The following BHMT variants were observed in gnomAD, a reference collection of about 807,000 sequenced individuals.
BHMT encodes the protein betaine--homocysteine S-methyltransferase 1.
BHMT carries 38 observed loss-of-function variants against 49.5 expected under a neutral mutation model. That is an observed-to-expected ratio of 0.77 (90% confidence interval 0.59 to 1.01). The LOEUF is 1.01. Among genes scored for constraint, BHMT ranks in the 50% least tolerant of loss-of-function variants. The probability of loss-of-function intolerance (pLI) is 0.00; values close to 1 mark genes in which losing one functional copy is unlikely to be tolerated. For synonymous variants in BHMT, 166 were observed against 176.3 expected, an observed-to-expected ratio of 0.94 and a Z score of 0.46; for missense variants, 426 against 495.7, an observed-to-expected ratio of 0.86 and a Z score of 1.34.
chr5:79,115,240 G>A (rs1756368094), intron 1 of BHMT, among the ~76,000 whole-genome samples: 2 of 151,910 alleles, frequency 1.3e-5, no homozygotes, highest in Non-Finnish European at 2.9e-5. Flanking sequence ...GGGTGAGACT[G>A]GAGGATCTTC....
chr5:79,119,377 T>C lies in BHMT; in HGVS notation c.285T>C (p.Ser95=). 6.2e-7 allele frequency: 1 copy of C among 1,606,822 alleles called. No individual in the cohort carries two copies. Among genetic ancestry groups the C allele is most frequent in the Non-Finnish European group, 8.5e-7 (1 of 1,174,516 alleles). The change falls in exon 3 of 8, where the codon TCT becomes TCC. Residue 95 remains serine (S), a splice_region_variant and synonymous_variant. Transcript: ENST00000274353. ...GCAACTATGTCTTAGAGAAGATATC[T>C]GTGAGTAAAACCAGCCGTGGGACTT... ...NRGNYVLEKI[S]GQEVNEAACD...
Position 79,131,346 on chromosome 5 carries a change from A to C in BHMT, c.*230A>C, listed in dbSNP as rs979184036. The C allele has an allele frequency of 2.3e-6, 1 of 433,524 alleles. No individual in the cohort carries two copies. The highest frequency in any genetic ancestry group is 4.1e-6 in the Non-Finnish European group (1 of 245,066). 26.9% of individuals were successfully genotyped at this position (433,524 alleles called of 1,614,324 possible). ...AAAGTAAATCTTGAACAGGTTCACT[A>C]AGCACCCACCCTGTGAAAAGTATTA... On this transcript the variant is annotated 3_prime_UTR_variant, in exon 8 of 8. Transcript: ENST00000274353.
chr5:79,124,335 G>A (rs1756516197), intron 5 of BHMT, among the ~76,000 whole-genome samples: 1 of 152,054 alleles, frequency 6.6e-6, no homozygotes, highest in Admixed American at 6.6e-5. Flanking sequence ...GATCGCTTGA[G>A]GCCAGAAGTT....
intron 5 of BHMT, among the ~76,000 whole-genome samples, chr5:79,125,772 A>AAAAC (rs1198697623): frequency 7.9e-5 from 12 of 151,960 alleles, no homozygotes; most frequent in East Asian, 3.9e-4. Context: ...TATCTATAAA[A>AAAAC]AAACAAACAA....
intron 3 of BHMT, among the ~76,000 whole-genome samples, chr5:79,120,125 G>C (rs971226881): frequency 3.9e-5 from 6 of 151,954 alleles, no homozygotes; most frequent in Non-Finnish European, 7.4e-5. Flanking sequence ...CACATCTTTG[G>C]TACAATGTAA....
intron 7 of BHMT, among the ~76,000 whole-genome samples, chr5:79,129,763 C>G (rs1231601944): frequency 6.6e-6 from 1 of 152,032 alleles, no homozygotes; most frequent in Non-Finnish European, 1.5e-5. Flanking sequence ...GAAGAATAAC[C>G]AAGGTGAACT....
At position 79,131,227 on chromosome 5, in the gene BHMT, A is replaced by G. The variant is rs770170451; in HGVS notation, c.*111A>G. 1 of 983,150 alleles carries G rather than the reference A, an allele frequency of 1.0e-6. No homozygotes were observed. The highest frequency in any genetic ancestry group is 1.8e-5 in the South Asian group (1 of 54,238). The allele number at this position is 983,150 out of a possible 1,614,324, so 60.9% of individuals were successfully genotyped here. ...CTTTCATGAATGCCATCCTACACAT[A>G]TTATTGCTATTACCTGAACAAAATA... is the stretch of plus-strand genomic sequence containing the variant. On this transcript the variant is annotated 3_prime_UTR_variant, in exon 8 of 8. Coordinates refer to ENST00000274353, the MANE Select transcript of BHMT (RefSeq NM_001713.3).
rs749710704 is a variant in BHMT at position 79,119,289 on chromosome 5, C to G, written c.197C>G (p.Ala66Gly). The change falls in exon 3 of 8, where the codon GCT becomes GGT. Residue 66 changes from alanine (A) to glycine (G), a missense_variant. By Grantham distance (60) the Ala-to-Gly change is moderately conservative. This residue lies in a region of BHMT where 321 missense variants were observed against 355.9 expected (regional missense o/e 0.90). Coordinates refer to ENST00000274353, the MANE Select transcript of BHMT (RefSeq NM_001713.3). ...VRQLHREFLR[A>G]GSNVMQTFTF... ...CAGCTTCATCGAGAGTTCCTCAGAG[C>G]TGGCTCAAACGTCATGCAGACCTTC... 1.2e-6 allele frequency: 2 copies of G among 1,613,688 alleles called. No homozygotes were observed. The highest frequency in any genetic ancestry group is 1.7e-5 in the Admixed American group (1 of 59,826).
At chr5:79,128,522 C>T (rs1186594219) in intron 7 of BHMT, among the ~76,000 whole-genome samples, 1 of 83,834 alleles carries the variant, frequency 1.2e-5, no homozygotes, top group Non-Finnish European at 2.5e-5. Context: ...AGAGTGAGAC[C>T]CTGTTTTAAA....
chr5:79,120,629 G>A, intron 4 of BHMT, 88 bp downstream of exon 4: 1 of 1,238,220 alleles, frequency 8.1e-7, no homozygotes, highest in Non-Finnish European at 1.1e-6. Context: ...GTGGGGTTAG[G>A]TGACAATCAT....
At chr5:79,112,503 G>A (rs1216182576) in intron 1 of BHMT, among the ~76,000 whole-genome samples, 1 of 152,224 alleles carries the variant, frequency 6.6e-6, no homozygotes, top group Non-Finnish European at 1.5e-5. Context: ...GGGTGTCGGG[G>A]CCGCCTCCCC....
At chr5:79,115,366 CT>C (rs1756370252) in intron 1 of BHMT, among the ~76,000 whole-genome samples, 1 of 135,694 alleles carries the variant, frequency 7.4e-6, no homozygotes. Flanking sequence ...TTAACCCTCT[CT>C]TTAGTTTGTT....
chr5:79,115,109 A>G (rs529159833), intron 1 of BHMT, among the ~76,000 whole-genome samples: 1 of 152,252 alleles, frequency 6.6e-6, no homozygotes, highest in South Asian at 2.1e-4. Context: ...TGGAAACTGA[A>G]TTTTAACACC....
chr5:79,121,405 TAAAAGAA>T, intron 5 of BHMT, 40 bp downstream of exon 5: 1 of 1,612,026 alleles, frequency 6.2e-7, no homozygotes, highest in Non-Finnish European at 8.5e-7. Context: ...TAGTAAGTCT[TAAAAGAA>T]CACACTAGTG....
chr5:79,119,455 G>A, intron 3 of BHMT, 78 bp downstream of exon 3: 2 of 1,107,714 alleles, frequency 1.8e-6, no homozygotes, highest in Non-Finnish European at 2.6e-6. Context: ...TAGAGAAAAG[G>A]GTTCAACCTC....
At chr5:79,125,104 T>C (rs1580273562) in intron 5 of BHMT, among the ~76,000 whole-genome samples, 2 of 152,094 alleles carry the variant, frequency 1.3e-5, no homozygotes, top group Admixed American at 6.6e-5. Context: ...ATGTCCAACG[T>C]TGAAAGTTTG....
At chr5:79,119,022 A>T (rs1756426253) in intron 2 of BHMT, among the ~76,000 whole-genome samples, 1 of 152,226 alleles carries the variant, frequency 6.6e-6, no homozygotes, top group East Asian at 1.9e-4. Context: ...AACAATGAAC[A>T]AGATGAGCAA....
chr5:79,123,764 C>A (rs1363078232), intron 5 of BHMT, among the ~76,000 whole-genome samples: 2 of 152,082 alleles, frequency 1.3e-5, no homozygotes, highest in African/African-American at 4.8e-5. Flanking sequence ...GTTGGCCAGG[C>A]TGGTCTTGAA....
chr5:79,130,030 C>T (rs1002263697), intron 7 of BHMT, among the ~76,000 whole-genome samples: 3 of 152,042 alleles, frequency 2.0e-5, no homozygotes, highest in Admixed American at 6.6e-5. Context: ...TAATTTTGTA[C>T]CTATGTGGTG....
Sources: gnomAD v4.1 joint callset for allele counts (sites outside exome capture counted in the v4.1 genomes callset) on GRCh38, gnomAD v4.1.1 for gene constraint, gnomAD v4.1.1 regional missense constraint, MANE v1.5 for transcripts, NCBI Gene and HGNC (gene_info 2026-07-23, HGNC 2026-07-21) for gene names.